TBX15: variants seen among roughly 807,000 people sequenced by gnomAD.
The protein encoded by TBX15 is T-box transcription factor 15.
Under a neutral mutation model 53.9 loss-of-function variants are expected in TBX15, and 18 were observed. The ratio of observed to expected loss-of-function variants is 0.33; its 90% CI spans 0.23 to 0.49. The LOEUF (loss-of-function observed/expected upper bound fraction) is 0.49. Among genes scored for constraint, TBX15 ranks in the 20% least tolerant of loss-of-function variants. The pLI, the probability that TBX15 is intolerant of heterozygous loss-of-function variation, is 0.98. For missense variants in TBX15, 692 were observed against 749.5 expected, an observed-to-expected ratio of 0.92 and a Z score of 0.90; for synonymous variants, 295 against 278.0, an observed-to-expected ratio of 1.06 and a Z score of -0.61.
At chr1:118,956,981 T>G (rs2101669008) in intron 1 of TBX15, among the ~76,000 whole-genome samples, 1 of 149,350 alleles carries the variant, frequency 6.7e-6, no homozygotes, top group African/African-American at 2.4e-5. Context: ...AAAAATAGAT[T>G]AAATCCACTA....
At chr1:118,961,158 C>T (rs1656860127) in intron 1 of TBX15, among the ~76,000 whole-genome samples, 1 of 152,264 alleles carries the variant, frequency 6.6e-6, no homozygotes, top group East Asian at 1.9e-4. Flanking sequence ...TTTCCTGGTT[C>T]CCCCTTCCTA....
intron 1 of TBX15, among the ~76,000 whole-genome samples, chr1:118,984,160 C>G (rs1382293057): frequency 1.3e-5 from 2 of 152,262 alleles, no homozygotes; most frequent in Non-Finnish European, 2.9e-5. Flanking sequence ...GTTGAGCTGA[C>G]GGGTGCGTGC....
intron 2 of TBX15, among the ~76,000 whole-genome samples, chr1:118,929,413 G>A (rs1655709154): frequency 6.6e-6 from 1 of 152,170 alleles, no homozygotes; most frequent in Non-Finnish European, 1.5e-5. Context: ...AATTAACCAG[G>A]AGAATGAGAA....
intron 1 of TBX15, among the ~76,000 whole-genome samples, chr1:118,951,204 G>A (rs549733384): frequency 3.3e-5 from 5 of 152,234 alleles, no homozygotes; most frequent in South Asian, 2.1e-4. Flanking sequence ...TTTATCCAGA[G>A]ACCAGAAATG....
intron 6 of TBX15, among the ~76,000 whole-genome samples, chr1:118,900,499 G>T (rs148171347): frequency 3.9e-5 from 6 of 152,132 alleles, no homozygotes; most frequent in African/African-American, 1.4e-4. Context: ...CTCTGAACAG[G>T]CCTCACTTGC....
intron 1 of TBX15, among the ~76,000 whole-genome samples, chr1:118,982,120 G>A (rs765821621): frequency 5.3e-5 from 8 of 152,112 alleles, no homozygotes; most frequent in South Asian, 2.1e-4. Flanking sequence ...AATAATAATC[G>A]AATGGAGTCC....
intron 1 of TBX15, among the ~76,000 whole-genome samples, chr1:118,978,968 T>C (rs1188051274): frequency 6.6e-6 from 1 of 152,182 alleles, no homozygotes; most frequent in Non-Finnish European, 1.5e-5. Context: ...AAATCAGTTA[T>C]TTATTTTTCA....
At chr1:118,968,595 C>T (rs557138800) in intron 1 of TBX15, among the ~76,000 whole-genome samples, 6 of 152,238 alleles carry the variant, frequency 3.9e-5, no homozygotes, top group South Asian at 2.1e-4. Context: ...ATATATATTG[C>T]GAATATATGC....
chr1:118,950,499 T>C (rs1656480273), intron 1 of TBX15, among the ~76,000 whole-genome samples: 2 of 152,228 alleles, frequency 1.3e-5, no homozygotes, highest in Admixed American at 1.3e-4. Context: ...AGAGCCATGT[T>C]GGACCATTAA....
At position 118,987,761 on chromosome 1, in the gene TBX15, C is replaced by T; in HGVS notation, c.35G>A (p.Ser12Asn). The T allele has an allele frequency of 5.8e-6, 9 of 1,550,284 alleles. No individual in the cohort carries two copies. The highest frequency in any genetic ancestry group is 7.8e-6 in the Non-Finnish European group (9 of 1,146,836). The change falls in exon 1 of 8, where the codon AGC (serine) becomes AAC (asparagine). Residue 12 changes from serine to asparagine, a missense_variant. By Grantham distance (46) the Ser-to-Asn change is conservative (BLOSUM62 1). This residue lies in a region of TBX15 where 307 missense variants were observed against 347.5 expected (regional missense o/e 0.88). Transcript: ENST00000369429. ...AACGGAGAAGGCATGTGCTCGCGAG[C>T]TCAGGGCGACTGCAGATCTTCTCCT... ...SERRRSAVAL[S>N]SRAHAFSVEA...
At chr1:118,955,981 C>T (rs1339991385) in intron 1 of TBX15, among the ~76,000 whole-genome samples, 2 of 152,134 alleles carry the variant, frequency 1.3e-5, no homozygotes, top group African/African-American at 2.4e-5. Context: ...TCCATAATCT[C>T]CTTGAAGATC....
intron 1 of TBX15, among the ~76,000 whole-genome samples, chr1:118,979,741 C>A (rs1657579426): frequency 6.6e-6 from 1 of 152,236 alleles, no homozygotes; most frequent in South Asian, 2.1e-4. Context: ...GAGCTAAGAA[C>A]AGCCGCCATC....
At chr1:118,895,752 TA>T (rs137937240) in intron 7 of TBX15, among the ~76,000 whole-genome samples, 7,151 of 149,874 alleles carry the variant, frequency 0.048, 556 homozygotes, top group African/African-American at 0.17. Flanking sequence ...ACTTGACTTA[TA>T]AAAAAAAAAT....
rs182978815 is a variant in TBX15, at chr1:118,979,759, G to A, written c.205+7832C>T. 8.7e-4 allele frequency among the ~76,000 whole-genome samples: 132 copies of A among 152,336 alleles called. 1 individual carries two copies. The highest frequency in any genetic ancestry group is 2.9e-3 in the African/African-American group (120 of 41,584). On this transcript the variant is annotated intron_variant, in intron 1 of 7. Coordinates refer to ENST00000369429, the MANE Select transcript of TBX15 (RefSeq NM_001330677.2). ...CTAAGAACAGCCGCCATCCCTCAGGGTTCCGGGTCCCGGGTTTCCAGGGTC... is the reference window on the plus strand; with the variant it reads ...CTAAGAACAGCCGCCATCCCTCAGGATTCCGGGTCCCGGGTTTCCAGGGTC...
chr1:118,895,137 T>TTTA (rs1195701685), intron 7 of TBX15, among the ~76,000 whole-genome samples: 2 of 152,178 alleles, frequency 1.3e-5, no homozygotes, highest in East Asian at 3.8e-4. Context: ...CCTCAACTAA[T>TTTA]ACAAGTCAAA....
At chr1:118,983,589 C>T (rs949293197) in intron 1 of TBX15, among the ~76,000 whole-genome samples, 4 of 152,212 alleles carry the variant, frequency 2.6e-5, no homozygotes, top group Non-Finnish European at 4.4e-5. Context: ...AGGTCACTTA[C>T]CAAAAGGGTG....
chr1:118,984,539 C>T (rs1166222375), intron 1 of TBX15, among the ~76,000 whole-genome samples: 4 of 152,192 alleles, frequency 2.6e-5, no homozygotes, highest in African/African-American at 9.7e-5. Flanking sequence ...AGGCCGCAGC[C>T]GGAGCAGCTG....
chr1:118,987,802 C>G lies in TBX15; in HGVS notation c.-7G>C, dbSNP rs1051081893. ...ATCTTCTCCTTTCACTCATTTTAGC[C>G]GCCCACACCCCTGCCTCCGCTTGCC... is the stretch of plus-strand genomic sequence containing the variant. On this transcript the variant is annotated 5_prime_UTR_variant, in exon 1 of 8. Coordinates refer to ENST00000369429, the MANE Select transcript of TBX15 (RefSeq NM_001330677.2). 1 of 1,548,978 alleles carries G rather than the reference C, an allele frequency of 6.5e-7. No homozygotes were observed. The highest frequency in any genetic ancestry group is 1.4e-5 in the African/African-American group (1 of 73,126).
intron 1 of TBX15, among the ~76,000 whole-genome samples, chr1:118,971,491 T>C (rs989628498): frequency 6.6e-6 from 1 of 152,214 alleles, no homozygotes; most frequent in Non-Finnish European, 1.5e-5. Context: ...CAACAGGAAT[T>C]CAAAGATGAG....
Sources: gnomAD v4.1 joint callset for allele counts (sites outside exome capture counted in the v4.1 genomes callset) on GRCh38, gnomAD v4.1.1 for gene constraint, gnomAD v4.1.1 regional missense constraint, MANE v1.5 for transcripts, NCBI Gene and HGNC (gene_info 2026-07-23, HGNC 2026-07-21) for gene names.